MARCHF11: variants seen among roughly 807,000 people sequenced by gnomAD.
The protein encoded by MARCHF11 is E3 ubiquitin-protein ligase MARCHF11.
MARCHF11 carries 29 observed loss-of-function variants against 37.3 expected under a neutral mutation model. The observed-to-expected ratio is 0.78, with a 90% CI of 0.58 to 1.06. MARCHF11 has a LOEUF of 1.06. Among genes scored for constraint, MARCHF11 ranks in the 50% least tolerant of loss-of-function variants. The pLI, the probability that MARCHF11 is intolerant of heterozygous loss-of-function variation, is 0.00. For synonymous variants in MARCHF11, 233 were observed against 228.0 expected (o/e 1.02, Z -0.20); for missense variants, 482 against 533.4 (o/e 0.90, Z 0.95).
At chr5:16,159,841 T>G (rs191569436) in intron 2 of MARCHF11, among the ~76,000 whole-genome samples, 213 of 152,046 alleles carry the variant, frequency 1.4e-3, no homozygotes, top group Non-Finnish European at 1.2e-3. Context: ...GAACTTAAGC[T>G]GCTTGGAAAA....
chr5:16,111,545 G>A lies in MARCHF11; in HGVS notation c.694-20464C>T, dbSNP rs774154421. Among the ~76,000 whole-genome samples, 16 of 152,194 alleles carry A rather than the reference G, an allele frequency of 1.1e-4. 1 individual carries two copies. The highest frequency in any genetic ancestry group is 4.1e-4 in the South Asian group (2 of 4,836). On this transcript the variant is annotated intron_variant, in intron 2 of 3. Coordinates refer to ENST00000332432, the MANE Select transcript of MARCHF11 (RefSeq NM_001102562.3). ...TTCTAAGCAGCAAAGCATTCAAGAGGTGACTTGGGTGCTGTTAAAAGCATT... is the reference window on the plus strand; with the variant it reads ...TTCTAAGCAGCAAAGCATTCAAGAGATGACTTGGGTGCTGTTAAAAGCATT...
At chr5:16,069,174 A>C (rs1736396401) in intron 3 of MARCHF11, among the ~76,000 whole-genome samples, 1 of 152,238 alleles carries the variant, frequency 6.6e-6, no homozygotes, top group Non-Finnish European at 1.5e-5. Context: ...ATCTGCATTA[A>C]TGTGGATACC....
chr5:16,159,261 A>G (rs1277458437), intron 2 of MARCHF11, among the ~76,000 whole-genome samples: 1 of 151,986 alleles, frequency 6.6e-6, no homozygotes, highest in Admixed American at 6.6e-5. Flanking sequence ...TCCTGCTCCT[A>G]AAGTCAGTTT....
intron 2 of MARCHF11, among the ~76,000 whole-genome samples, chr5:16,131,681 C>T (rs541433259): frequency 2.0e-5 from 3 of 152,240 alleles, no homozygotes; most frequent in African/African-American, 4.8e-5. Context: ...GATACAATGA[C>T]GAAGTTGAAC....
intron 2 of MARCHF11, among the ~76,000 whole-genome samples, chr5:16,149,989 G>C (rs549684508): frequency 7.3e-6 from 1 of 137,376 alleles, no homozygotes; most frequent in Non-Finnish European, 1.5e-5. Context: ...CAGATAAAAC[G>C]AATCCATTTT....
At chr5:16,074,606 G>T (rs1042130287) in intron 3 of MARCHF11, among the ~76,000 whole-genome samples, 1 of 152,142 alleles carries the variant, frequency 6.6e-6, no homozygotes, top group Non-Finnish European at 1.5e-5. Context: ...ACAGAACCAG[G>T]TTGAGAATGG....
intron 2 of MARCHF11, among the ~76,000 whole-genome samples, chr5:16,161,654 T>A (rs1332572210): frequency 1.3e-5 from 2 of 151,972 alleles, no homozygotes; most frequent in African/African-American, 4.8e-5. Context: ...ACCACACTGA[T>A]AAATGGAAGC....
At position 16,090,904 on chromosome 5, in the gene MARCHF11, C is replaced by G; in HGVS notation, c.871G>C (p.Asp291His). 1 of 1,603,624 alleles carries G rather than the reference C, an allele frequency of 6.2e-7. No individual in the cohort carries two copies. The highest frequency in any genetic ancestry group is 8.5e-7 in the Non-Finnish European group (1 of 1,175,770). ...QICYGMYGFM[D>H]LVCIGLIVHE... ...ATGGTCTTACCTATGCACACTAGATCCATAAAACCATACATTCCATAGCAG... is the reference window on the plus strand; with the variant it reads ...ATGGTCTTACCTATGCACACTAGATGCATAAAACCATACATTCCATAGCAG... Residue 291 changes from aspartate (D) to histidine (H), a missense_variant, in exon 3 of 4, where the codon GAT becomes CAT. Transcript: ENST00000332432.
At chr5:16,083,979 C>T (rs1043064817) in intron 3 of MARCHF11, among the ~76,000 whole-genome samples, 10 of 152,128 alleles carry the variant, frequency 6.6e-5, no homozygotes, top group Admixed American at 1.3e-4. Flanking sequence ...TCCTGAATTT[C>T]GTTTTCAAAA....
At chr5:16,093,451 C>T (rs565176447) in intron 2 of MARCHF11, among the ~76,000 whole-genome samples, 4 of 152,160 alleles carry the variant, frequency 2.6e-5, no homozygotes, top group Admixed American at 2.6e-4. Flanking sequence ...CTACTGAATG[C>T]TTGGATTTGG....
chr5:16,070,524 C>G (rs1233961658), intron 3 of MARCHF11, among the ~76,000 whole-genome samples: 1 of 152,196 alleles, frequency 6.6e-6, no homozygotes, highest in Non-Finnish European at 1.5e-5. Context: ...CACAGCTTCA[C>G]CAGAGGAAAC....
intron 2 of MARCHF11, among the ~76,000 whole-genome samples, chr5:16,144,696 T>TA (rs1251373534): frequency 2.0e-5 from 3 of 152,228 alleles, no homozygotes; most frequent in Admixed American, 1.3e-4. Context: ...TACCAAAATG[T>TA]ATTAGCCAAG....
chr5:16,153,395 T>G (rs2126599421), intron 2 of MARCHF11, among the ~76,000 whole-genome samples: 1 of 152,060 alleles, frequency 6.6e-6, no homozygotes, highest in South Asian at 2.1e-4. Context: ...ATCTAGTAAC[T>G]TCAAATGTGG....
intron 2 of MARCHF11, among the ~76,000 whole-genome samples, chr5:16,146,783 G>C (rs1737803855): frequency 6.6e-6 from 1 of 152,168 alleles, no homozygotes; most frequent in Non-Finnish European, 1.5e-5. Flanking sequence ...AACACACTTT[G>C]AAGGCAGGCC....
chr5:16,114,197 T>C (rs180868402), intron 2 of MARCHF11, among the ~76,000 whole-genome samples: 5 of 152,350 alleles, frequency 3.3e-5, no homozygotes, highest in Non-Finnish European at 7.3e-5. Flanking sequence ...GTTGATTACA[T>C]ATCTTAGCTA....
At position 16,179,360 on chromosome 5, in the gene MARCHF11, C is replaced by T. The variant is rs1738427536; in HGVS notation, c.216G>A (p.Val72=). The T allele has an allele frequency of 1.7e-6, 2 of 1,178,648 alleles. No homozygotes were observed. The highest frequency in any genetic ancestry group is 2.1e-6 in the Non-Finnish European group (2 of 954,572). The allele number at this position is 1,178,648 out of a possible 1,614,324, so 73.0% of individuals were successfully genotyped here. The change falls in exon 1 of 4, where the codon GTG becomes GTA. Residue 72 remains valine, a synonymous_variant. Transcript: ENST00000332432. ...CGTCCGCTCCCCTGCACCGCGGGGC[C>T]ACCTCCCCTAGCGGCTCGCTTGGCC... ...AAGPSEPLGE[V]APRCRGADEL...
chr5:16,141,646 C>T (rs1220848602), intron 2 of MARCHF11: 3 of 152,140 alleles, frequency 2.0e-5, no homozygotes, highest in African/African-American at 7.2e-5. Context: ...GCTTGGGACA[C>T]CCTTGTTTAC....
In MARCHF11 at chr5:16,067,873, G is replaced by GA. The variant is rs1250348166; in HGVS notation, c.887-81dup. ...AGTGTTATTTTGTATACAAGTAAGGGATCCAAAAATAGTTATGTTATTCAT... is the reference window on the plus strand; with the variant it reads ...AGTGTTATTTTGTATACAAGTAAGGGAATCCAAAAATAGTTATGTTATTCAT... On this transcript the variant is annotated intron_variant, in intron 3 of 3. Transcript: ENST00000332432. The GA allele has an allele frequency of 8.1e-6, 10 of 1,236,284 alleles. No homozygotes were observed. The African/African-American group carries it at 1.4e-4, about 17-fold the overall frequency. 76.6% of individuals were successfully genotyped at this position (1,236,284 alleles called of 1,614,324 possible). A position where few individuals can be genotyped will look rare whatever the true frequency, so the allele number is the denominator to read the frequency against.
chr5:16,121,907 C>T (rs960375606), intron 2 of MARCHF11, among the ~76,000 whole-genome samples: 4 of 152,140 alleles, frequency 2.6e-5, no homozygotes, highest in African/African-American at 7.2e-5. Context: ...TTTGAGCAAC[C>T]GCACTCTGCC....
Sources: gnomAD v4.1 joint callset for allele counts (sites outside exome capture counted in the v4.1 genomes callset) on GRCh38, gnomAD v4.1.1 for gene constraint, MANE v1.5 for transcripts, NCBI Gene and HGNC (gene_info 2026-07-23, HGNC 2026-07-21) for gene names.